Variants in RASA1 observed in about 807,000 individuals in gnomAD.
RASA1 encodes the protein RAS p21 protein activator 1.
In RASA1, 25 loss-of-function variants were observed where a neutral mutation model predicts 132.2. The ratio of observed to expected loss-of-function variants is 0.19; its 90% CI spans 0.14 to 0.26. The LOEUF is 0.26. Among genes scored for constraint, RASA1 ranks in the 10% least tolerant of loss-of-function variants. The pLI is 1.00. For synonymous variants in RASA1, 477 were observed against 449.9 expected (o/e 1.06, Z -0.76); for missense variants, 964 against 1,299.2 (o/e 0.74, Z 3.97).
At chr5:87,311,872 A>G (rs1300247751) in intron 1 of RASA1, among the ~76,000 whole-genome samples, 1 of 152,206 alleles carries the variant, frequency 6.6e-6, no homozygotes, top group African/African-American at 2.4e-5. Flanking sequence ...TCAGTAAACA[A>G]AGGCACTCTT....
At chr5:87,275,592 CCT>C (rs1472659710) in intron 1 of RASA1, among the ~76,000 whole-genome samples, 8 of 151,330 alleles carry the variant, frequency 5.3e-5, no homozygotes, top group South Asian at 2.1e-4. Flanking sequence ...TTTTTTCCCC[CCT>C]GAGATGGAGT....
At chr5:87,338,113 T>C in intron 5 of RASA1, 22 bp downstream of exon 5, 1 of 1,611,290 alleles carries the variant, frequency 6.2e-7, no homozygotes, top group Non-Finnish European at 8.5e-7. Flanking sequence ...TCTTTTCTTC[T>C]CAATTCTAGA....
intron 1 of RASA1, among the ~76,000 whole-genome samples, chr5:87,324,074 G>T (rs891358858): frequency 1.3e-5 from 2 of 152,194 alleles, no homozygotes; most frequent in East Asian, 3.8e-4. Flanking sequence ...GACAATGTTA[G>T]ACTAAAGTTT....
At position 87,286,686 on chromosome 5, in the gene RASA1, C is replaced by G. The variant is rs577763043; in HGVS notation, c.539+17696C>G. 7.9e-5 allele frequency among the ~76,000 whole-genome samples: 12 copies of G among 151,886 alleles called. No individual in the cohort carries two copies. The South Asian group carries it at 1.9e-3, about 24-fold the overall frequency. Reference sequence around the variant, plus strand: ...TTTCAGTAGACAAATTTTATACTTTCTTAAAATCCTTTTGTGGATCTATTG... The same window carrying G: ...TTTCAGTAGACAAATTTTATACTTTGTTAAAATCCTTTTGTGGATCTATTG... On this transcript the variant is annotated intron_variant, in intron 1 of 24. Coordinates refer to ENST00000274376, the MANE Select transcript of RASA1 (RefSeq NM_002890.3).
chr5:87,376,157 A>T (rs986132098), intron 15 of RASA1: 2 of 557,114 alleles, frequency 3.6e-6, no homozygotes, highest in Admixed American at 6.2e-5. Context: ...ACTGACCTCT[A>T]TGCAACTCAA....
intron 11 of RASA1, chr5:87,366,307 G>A: frequency 2.7e-6 from 1 of 367,812 alleles, no homozygotes; most frequent in South Asian, 2.1e-5. Flanking sequence ...CTGTAAGATT[G>A]AAGAAAAGCT....
intron 9 of RASA1, 41 bp downstream of exon 9, chr5:87,353,276 T>A: frequency 2.1e-6 from 3 of 1,458,260 alleles, no homozygotes; most frequent in Non-Finnish European, 2.9e-6. Context: ...AGCATTTTAT[T>A]TTAAAATGCA....
chr5:87,357,206 C>T (rs914748426), intron 9 of RASA1, among the ~76,000 whole-genome samples: 1 of 151,686 alleles, frequency 6.6e-6, no homozygotes, highest in Non-Finnish European at 1.5e-5. Flanking sequence ...GAGAAGTTAG[C>T]CAGAACATAT....
chr5:87,311,511 A>G (rs1755910242), intron 1 of RASA1, among the ~76,000 whole-genome samples: 2 of 152,230 alleles, frequency 1.3e-5, no homozygotes, highest in Non-Finnish European at 2.9e-5. Context: ...GCAAAAGGCT[A>G]CAGTTTAAAA....
At chr5:87,368,563 G>A (rs946951756) in intron 11 of RASA1, among the ~76,000 whole-genome samples, 4 of 152,164 alleles carry the variant, frequency 2.6e-5, no homozygotes, top group African/African-American at 7.2e-5. Flanking sequence ...CTTACGGATG[G>A]TATAGGGTTA....
Position 87,327,742 on chromosome 5 carries a change from A to T in RASA1, c.540-3606A>T, listed in dbSNP as rs570233780. 3.0e-4 allele frequency among the ~76,000 whole-genome samples: 46 copies of T among 152,298 alleles called. 1 individual carries two copies. The South Asian group carries it at 3.5e-3, about 12-fold the overall frequency. ...CACTTTGGGAGGCCGAGGCAGGCAG[A>T]TTACCTGAGGTCAGTAGCTCGGGAC... On this transcript the variant is annotated intron_variant, in intron 1 of 24. Transcript: ENST00000274376.
At chr5:87,273,940 C>T (rs561338634) in intron 1 of RASA1, among the ~76,000 whole-genome samples, 28 of 152,264 alleles carry the variant, frequency 1.8e-4, no homozygotes, top group African/African-American at 6.3e-4. Context: ...TCAGGTGATC[C>T]GCCTGCCTTG....
chr5:87,371,057 AGT>A (rs1243126649), intron 12 of RASA1, among the ~76,000 whole-genome samples: 1 of 152,128 alleles, frequency 6.6e-6, no homozygotes, highest in Admixed American at 6.6e-5. Flanking sequence ...TTAGAAATTG[AGT>A]TAGAAATTTA....
intron 1 of RASA1, among the ~76,000 whole-genome samples, chr5:87,273,041 G>A (rs1753916220): frequency 6.6e-6 from 1 of 152,278 alleles, no homozygotes; most frequent in East Asian, 1.9e-4. Flanking sequence ...TCCACAAGTG[G>A]CTTGTTACTC....
intron 4 of RASA1, among the ~76,000 whole-genome samples, chr5:87,334,422 T>A (rs1757816276): frequency 6.6e-6 from 1 of 152,210 alleles, no homozygotes; most frequent in South Asian, 2.1e-4. Flanking sequence ...CTGATTCAAA[T>A]GCTAATCTTA....
Position 87,391,907 on chromosome 5 carries a change from A to G in RASA1, c.*1024A>G, listed in dbSNP as rs1185975523. 4.4e-6 allele frequency: 1 copy of G among 226,712 alleles called. No homozygotes were observed. The highest frequency in any genetic ancestry group is 6.6e-5 in the East Asian group (1 of 15,164). 14.0% of individuals were successfully genotyped at this position (226,712 alleles called of 1,614,324 possible). Reference sequence around the variant, plus strand: ...GGTTAAGTTAAAATAAAACCAAGGGATATCTTGCATAATTGATTACTTCTG... The same window carrying G: ...GGTTAAGTTAAAATAAAACCAAGGGGTATCTTGCATAATTGATTACTTCTG... On this transcript the variant is annotated 3_prime_UTR_variant, in exon 25 of 25. Coordinates refer to ENST00000274376, the MANE Select transcript of RASA1 (RefSeq NM_002890.3).
chr5:87,328,814 G>A (rs1246710368), intron 1 of RASA1, among the ~76,000 whole-genome samples: 1 of 152,036 alleles, frequency 6.6e-6, no homozygotes, highest in Admixed American at 6.6e-5. Flanking sequence ...CCCAAGGACT[G>A]GTGTTTAAAG....
chr5:87,316,463 T>G (rs377480151), intron 1 of RASA1, among the ~76,000 whole-genome samples: 1 of 152,214 alleles, frequency 6.6e-6, no homozygotes, highest in East Asian at 1.9e-4. Flanking sequence ...AACCAAAGGT[T>G]CTTCTTCATT....
chr5:87,390,030 T>G (rs912277781), intron 24 of RASA1, among the ~76,000 whole-genome samples: 6 of 152,186 alleles, frequency 3.9e-5, no homozygotes, highest in African/African-American at 1.4e-4. Flanking sequence ...GGTATTCCGA[T>G]GCAAGTGAAC....
Sources: allele counts gnomAD v4.1 joint callset (sites outside exome capture counted in the v4.1 genomes callset), GRCh38; gene constraint gnomAD v4.1.1; transcripts MANE v1.5; gene names NCBI Gene and HGNC (gene_info 2026-07-23, HGNC 2026-07-21).